The following CD163L1 variants were observed in gnomAD, a reference collection of about 807,000 sequenced individuals.
CD163L1 encodes CD163 molecule like 1.
In CD163L1, 124 loss-of-function variants were observed where a neutral mutation model predicts 165.4. The observed-to-expected ratio is 0.75, with a 90% CI of 0.65 to 0.87. The LOEUF is 0.87. CD163L1 is among the 40% of genes least tolerant of loss of function. The probability of loss-of-function intolerance (pLI) is 0.00; values close to 1 mark genes in which losing one functional copy is unlikely to be tolerated. For missense variants in CD163L1, 1,525 were observed against 1,799.9 expected (o/e 0.85, Z 2.76); for synonymous variants, 585 against 662.2 (o/e 0.88, Z 1.79).
At chr12:7,392,799 G>A (rs1166719278) in intron 8 of CD163L1, among the ~76,000 whole-genome samples, 5 of 152,060 alleles carry the variant, frequency 3.3e-5, no homozygotes, top group African/African-American at 7.2e-5. Flanking sequence ...ACACCTCTAC[G>A]CAAATAAACT....
At chr12:7,343,978 A>G (rs1946653119), downstream of CD163L1, among the ~76,000 whole-genome samples, 1 of 152,224 alleles carries the variant, frequency 6.6e-6, no homozygotes, top group Non-Finnish European at 1.5e-5. Context: ...TGGGGTACAC[A>G]GTGGGTAAAC....
chr12:7,345,137 T>C (rs1946660883), downstream of CD163L1, among the ~76,000 whole-genome samples: 1 of 152,122 alleles, frequency 6.6e-6, no homozygotes, highest in Admixed American at 6.5e-5. Flanking sequence ...TAATGCTTTT[T>C]TTTTTTTTTT....
At chr12:7,346,911 G>GC (rs1331010887) in exon 5 of CD163L1, 1 of 152,174 alleles carries the variant, frequency 6.6e-6, no homozygotes, top group Non-Finnish European at 1.5e-5. Context: ...AAAGTTCCTG[G>GC]CCCCGCAAAC....
In CD163L1 at chr12:7,369,413, T is replaced by C; in HGVS notation, c.3983A>G (p.Lys1328Arg). ...NESFLWDCHA[K>R]PWGQSDCGHK... ...TCCACAGTCACTCTGTCCCCAGGGT[T>C]TGGCGTGACAGTCCCATAGAAATGA... is the stretch of plus-strand genomic sequence containing the variant. The change falls in exon 15 of 20, where the codon AAA (lysine) becomes AGA (arginine). Residue 1328 changes from lysine to arginine, a missense_variant. Lys to Arg is a conservative substitution (Grantham distance 26). Coordinates refer to ENST00000313599, the MANE Select transcript of CD163L1 (RefSeq NM_174941.6). This position sits in a 1 kb window ranked among gnomAD's most constrained non-coding sequence, Gnocchi z 4.9. The C allele has an allele frequency of 1.2e-6, 2 of 1,614,142 alleles. No homozygotes were observed. Among genetic ancestry groups the C allele is most frequent in the South Asian group, 1.1e-5 (1 of 91,080 alleles).
At chr12:7,344,388 C>T (rs953499291), downstream of CD163L1, among the ~76,000 whole-genome samples, 2 of 152,216 alleles carry the variant, frequency 1.3e-5, no homozygotes, top group African/African-American at 2.4e-5. Context: ...ATACCTAGCT[C>T]AGTCATTAAA....
chr12:7,399,730 G>A (rs887814114), intron 6 of CD163L1, among the ~76,000 whole-genome samples: 5 of 151,586 alleles, frequency 3.3e-5, no homozygotes, highest in East Asian at 1.9e-4. Context: ...TCAGCCTCCC[G>A]AGTAGCTGGG....
At chr12:7,332,682 T>G in the CD163L1 span, among the ~76,000 whole-genome samples, 1 of 152,154 alleles carries the variant, frequency 6.6e-6, no homozygotes, top group African/African-American at 2.4e-5. Flanking sequence ...CCAGCCAAAC[T>G]AAGCTTCATA....
the CD163L1 span, chr12:7,324,456 A>G: frequency 8.1e-6 from 13 of 1,613,800 alleles, no homozygotes; most frequent in Non-Finnish European, 1.1e-5. Context: ...GGAGATCTCT[A>G]ACTTGGAGGA....
rs1421015534 is a variant in CD163L1 at position 7,347,637 on chromosome 12, G to A, written c.*25-490C>T. Among the ~76,000 whole-genome samples the A allele has an allele frequency of 1.3e-5, 2 of 152,100 alleles. No homozygotes were observed. The highest frequency in any genetic ancestry group is 3.4e-3 in the Middle Eastern group (1 of 294). On this transcript the variant is annotated intron_variant, in intron 4 of 4. Transcript: ENST00000539726. The surrounding 1 kb of genome is among the most constrained non-coding windows in gnomAD (Gnocchi z 4.2). ...AAAAAAATTAGCCTGGTGTGGTGGC[G>A]GGCGCCTGTAGTCCCAGCTACTCGG...
intron 4 of CD163L1, among the ~76,000 whole-genome samples, chr12:7,417,126 C>T (rs1481409710): frequency 6.6e-6 from 1 of 152,050 alleles, no homozygotes; most frequent in African/African-American, 2.4e-5. Flanking sequence ...TGAAGAGGTC[C>T]TTCATGTCCC....
chr12:7,395,489 A>G (rs1384442889), intron 8 of CD163L1, among the ~76,000 whole-genome samples: 2 of 152,186 alleles, frequency 1.3e-5, no homozygotes, highest in African/African-American at 4.8e-5. Flanking sequence ...GAAATACCTA[A>G]TGTAAATGAC....
chr12:7,413,417 G>A (rs1021393921), intron 4 of CD163L1, among the ~76,000 whole-genome samples: 2 of 152,266 alleles, frequency 1.3e-5, no homozygotes, highest in Non-Finnish European at 2.9e-5. Context: ...AATGAGTGGA[G>A]GCTTACAGCA....
At chr12:7,331,930 G>A in the CD163L1 span, among the ~76,000 whole-genome samples, 4 of 152,204 alleles carry the variant, frequency 2.6e-5, no homozygotes, top group African/African-American at 7.2e-5. Flanking sequence ...AAAGCTGGAG[G>A]GAGAATGACT....
chr12:7,332,987 G>T, the CD163L1 span, among the ~76,000 whole-genome samples: 2 of 152,260 alleles, frequency 1.3e-5, no homozygotes, highest in East Asian at 3.9e-4. Context: ...ACACAGACTG[G>T]CAAATTGGAT....
At chr12:7,434,597 G>A (rs1376690193) in intron 2 of CD163L1, among the ~76,000 whole-genome samples, 1 of 151,512 alleles carries the variant, frequency 6.6e-6, no homozygotes, top group Non-Finnish European at 1.5e-5. Flanking sequence ...ATGATGAGAG[G>A]GTGTGTTAGT....
In CD163L1 at chr12:7,406,829, G is replaced by A. The variant is rs780153563; in HGVS notation, c.790C>T (p.Leu264Phe). The A allele has an allele frequency of 7.6e-5, 122 of 1,613,838 alleles. No homozygotes were observed. The highest frequency in any genetic ancestry group is 9.9e-5 in the Non-Finnish European group (117 of 1,179,960). The part of the protein sequence containing the change: ...CYDSSDLELR[L>F]VGGTNRCMGR... ...ATACAGCGGTTAGTTCCACCTACAA[G>A]CCTTAGTTCAAGATCACTACTATCT... Residue 264 changes from leucine (L) to phenylalanine (F), a missense_variant, in exon 5 of 20, where the codon CTT becomes TTT. Leu to Phe is a conservative substitution (Grantham distance 22). Transcript: ENST00000313599.
In CD163L1 at chr12:7,377,326, C is replaced by T. The variant is rs77472520; in HGVS notation, c.2372-1312G>A. 3.6e-3 allele frequency among the ~76,000 whole-genome samples: 546 copies of T among 152,252 alleles called. 28 individuals carry two copies. The East Asian group carries it at 0.07, about 20-fold the overall frequency. On this transcript the variant is annotated intron_variant, in intron 9 of 19. Coordinates refer to ENST00000313599, the MANE Select transcript of CD163L1 (RefSeq NM_174941.6). ...CCATAAACACTCTGGATTCTATTTT[C>T]TAGTTCTATTTTTTCCTATAGCCTC...
At chr12:7,380,379 A>ATGTGTGTATACGCGTATACACACATG (rs1947369696) in intron 8 of CD163L1, among the ~76,000 whole-genome samples, 1 of 140,540 alleles carries the variant, frequency 7.1e-6, no homozygotes, top group Admixed American at 6.9e-5. Context: ...ACATACATGT[A>ATGTGTGTATACGCGTATACACACATG]TGTGTGTATA....
chr12:7,379,374 A>G, intron 8 of CD163L1, 76 bp from the exon 9 acceptor site: 1 of 1,457,280 alleles, frequency 6.9e-7, no homozygotes, highest in Admixed American at 2.1e-5. Flanking sequence ...ATTCCTGTAC[A>G]CTAACATAGA....
Sources: allele counts gnomAD v4.1 joint callset (sites outside exome capture counted in the v4.1 genomes callset), GRCh38; gene constraint gnomAD v4.1.1; non-coding constraint Gnocchi (gnomAD v3.1); transcripts MANE v1.5; gene names NCBI Gene and HGNC (gene_info 2026-07-23, HGNC 2026-07-21).